The following SYT9 variants were observed in gnomAD, a reference collection of about 807,000 sequenced individuals.
SYT9 encodes synaptotagmin-9.
SYT9 carries 22 observed loss-of-function variants against 48.4 expected under a neutral mutation model. The ratio of observed to expected loss-of-function variants is 0.45; its 90% CI spans 0.32 to 0.65. SYT9 has a LOEUF of 0.65. Ranked by LOEUF, SYT9 falls within the 30% of genes least tolerant of loss-of-function variation. The pLI is 0.03. For missense variants in SYT9, 577 were observed against 622.0 expected (o/e 0.93, Z 0.77); for synonymous variants, 265 against 245.0 (o/e 1.08, Z -0.76).
chr11:7,332,075 G>T (rs1381879328), intron 3 of SYT9, among the ~76,000 whole-genome samples: 1 of 152,184 alleles, frequency 6.6e-6, no homozygotes, highest in Non-Finnish European at 1.5e-5. Context: ...TCTCGTGCAA[G>T]TGACTTAGTG....
chr11:7,290,456 A>T (rs540197084), intron 1 of SYT9, among the ~76,000 whole-genome samples: 3 of 152,266 alleles, frequency 2.0e-5, no homozygotes, highest in South Asian at 4.1e-4. Context: ...TCCTTCTACT[A>T]TACTGCTCTG....
In SYT9 at chr11:7,313,423, T is replaced by C; in HGVS notation, c.526T>C (p.Leu176=). ...TAATTCAATCCGAAGACAACTCAACTTGTCAAACCCGGACTTCAATATCCA... is the reference window on the plus strand; with the variant it reads ...TAATTCAATCCGAAGACAACTCAACCTGTCAAACCCGGACTTCAATATCCA... The part of the protein sequence containing the change: ...RHNSIRRQLN[L]SNPDFNIQQL... The change falls in exon 3 of 7, where the codon TTG becomes CTG. Residue 176 remains leucine (L), a synonymous_variant. Coordinates refer to ENST00000318881, the MANE Select transcript of SYT9 (RefSeq NM_175733.4). The C allele has an allele frequency of 6.2e-7, 1 of 1,612,950 alleles. No homozygotes were observed. Among genetic ancestry groups the C allele is most frequent in the East Asian group, 2.2e-5 (1 of 44,868 alleles).
At position 7,424,381 on chromosome 11, in the gene SYT9, G is replaced by A. The variant is rs567963795; in HGVS notation, c.1467+3746G>A. On this transcript the variant is annotated intron_variant, in intron 6 of 6. Transcript: ENST00000318881. ...CCCCTCCATAGGGCCTCAGATGACA[G>A]AGCTCTAAGAGCTCCCTTAGCACGG... Among the ~76,000 whole-genome samples, 25 of 152,288 alleles carry A rather than the reference G, an allele frequency of 1.6e-4. No individual in the cohort carries two copies. In the South Asian group the frequency reaches 5.0e-3, roughly 30 times the overall value.
chr11:7,266,546 C>G (rs141898654), intron 1 of SYT9, among the ~76,000 whole-genome samples: 1 of 152,154 alleles, frequency 6.6e-6, no homozygotes, highest in East Asian at 1.9e-4. Flanking sequence ...AGGATCCACT[C>G]TGCACGCTGA....
intron 3 of SYT9, among the ~76,000 whole-genome samples, chr11:7,330,059 G>A (rs1288742629): frequency 6.6e-6 from 1 of 152,058 alleles, no homozygotes; most frequent in South Asian, 2.1e-4. Context: ...ATTAAAACAT[G>A]CTTATTTAAA....
At chr11:7,339,042 T>C (rs1054247784) in intron 3 of SYT9, among the ~76,000 whole-genome samples, 8 of 152,234 alleles carry the variant, frequency 5.3e-5, no homozygotes, top group African/African-American at 1.7e-4. Flanking sequence ...TGGATGCATA[T>C]ATATTTAGAA....
chr11:7,439,016 C>G (rs1847771522), intron 6 of SYT9: 1 of 152,224 alleles, frequency 6.6e-6, no homozygotes, highest in South Asian at 2.1e-4. Context: ...GATGCAAGAG[C>G]CACCTCCCTC....
At chr11:7,341,074 A>G (rs1201069178) in intron 3 of SYT9, among the ~76,000 whole-genome samples, 1 of 152,032 alleles carries the variant, frequency 6.6e-6, no homozygotes, top group African/African-American at 2.4e-5. Flanking sequence ...ACTAGCTGGA[A>G]AACACCAGCA....
chr11:7,289,862 A>G (rs1449379490), intron 1 of SYT9, among the ~76,000 whole-genome samples: 1 of 152,260 alleles, frequency 6.6e-6, no homozygotes, highest in Non-Finnish European at 1.5e-5. Flanking sequence ...AAAATTAACA[A>G]TTTAGAAGAA....
intron 3 of SYT9, among the ~76,000 whole-genome samples, chr11:7,391,837 G>A (rs534513682): frequency 6.6e-6 from 1 of 150,388 alleles, no homozygotes; most frequent in African/African-American, 2.4e-5. Flanking sequence ...GATCACTTGA[G>A]CCCAGGAGGT....
chr11:7,252,432 G>A lies in SYT9; in HGVS notation c.145+101G>A, dbSNP rs1847890108. Reference sequence around the variant, plus strand: ...CAGAACAGCGACGCGGACTGGGAGAGGGCGGGGGGCGGCCACCGAGCCAGG... The same window carrying A: ...CAGAACAGCGACGCGGACTGGGAGAAGGCGGGGGGCGGCCACCGAGCCAGG... On this transcript the variant is annotated intron_variant, in intron 1 of 6. Transcript: ENST00000318881. The surrounding 1 kb of genome is among the most constrained non-coding windows in gnomAD (Gnocchi z 6.3). The A allele has an allele frequency of 3.2e-6, 4 of 1,258,644 alleles. No homozygotes were observed. The highest frequency in any genetic ancestry group is 4.2e-5 in the Admixed American group (1 of 24,066). 78.0% of individuals were successfully genotyped at this position (1,258,644 alleles called of 1,614,324 possible).
intron 1 of SYT9, among the ~76,000 whole-genome samples, chr11:7,256,946 C>T (rs1300197800): frequency 6.6e-6 from 1 of 152,096 alleles, no homozygotes; most frequent in East Asian, 1.9e-4. Context: ...TCAACTTTGG[C>T]TGCACATTAG....
chr11:7,463,588 T>A (rs543445179), intron 6 of SYT9, among the ~76,000 whole-genome samples: 2 of 152,346 alleles, frequency 1.3e-5, no homozygotes, highest in African/African-American at 4.8e-5. Flanking sequence ...AGAATAAGTT[T>A]GTTTTCAAGA....
intron 1 of SYT9, among the ~76,000 whole-genome samples, chr11:7,281,586 T>G (rs1848492951): frequency 6.6e-6 from 1 of 152,118 alleles, no homozygotes; most frequent in Admixed American, 6.6e-5. Context: ...GCCATGAGAG[T>G]AGATTTTTGG....
intron 1 of SYT9, among the ~76,000 whole-genome samples, chr11:7,257,613 A>C (rs991821328): frequency 1.3e-5 from 2 of 152,174 alleles, no homozygotes; most frequent in African/African-American, 4.8e-5. Flanking sequence ...TCAAAAGAGA[A>C]TCAGTCTTGA....
At chr11:7,308,449 C>T (rs1396799433) in intron 2 of SYT9, among the ~76,000 whole-genome samples, 2 of 152,256 alleles carry the variant, frequency 1.3e-5, no homozygotes, top group East Asian at 3.9e-4. Context: ...TGTACAGAGC[C>T]TGGACTCAGA....
At chr11:7,286,938 C>A (rs1439908300) in intron 1 of SYT9, among the ~76,000 whole-genome samples, 1 of 152,220 alleles carries the variant, frequency 6.6e-6, no homozygotes, top group African/African-American at 2.4e-5. Context: ...CTGTCTTCTT[C>A]TGAGCCCTCC....
chr11:7,257,979 A>T (rs1848006552), intron 1 of SYT9, among the ~76,000 whole-genome samples: 2 of 152,184 alleles, frequency 1.3e-5, no homozygotes, highest in Admixed American at 1.3e-4. Flanking sequence ...AATCAAAAGC[A>T]CAAACTTTTT....
chr11:7,255,699 C>T (rs1006789373), intron 1 of SYT9, among the ~76,000 whole-genome samples: 2 of 152,112 alleles, frequency 1.3e-5, no homozygotes, highest in South Asian at 4.1e-4. Context: ...CTAAAAAATT[C>T]CATGTACAAG....
Sources: gnomAD v4.1 joint callset for allele counts (sites outside exome capture counted in the v4.1 genomes callset) on GRCh38, gnomAD v4.1.1 for gene constraint, Gnocchi (gnomAD v3.1) non-coding constraint, MANE v1.5 for transcripts, NCBI Gene and HGNC (gene_info 2026-07-23, HGNC 2026-07-21) for gene names.